The following DACH2 variants were observed in gnomAD, a reference collection of about 807,000 sequenced individuals.
The protein encoded by DACH2 is dachshund homolog 2.
In DACH2, 17 loss-of-function variants were observed where a neutral mutation model predicts 35.8. That is an observed-to-expected ratio of 0.48 (90% CI 0.33 to 0.71). The LOEUF is 0.71. DACH2 is among the 30% of genes least tolerant of loss of function. The pLI is 0.02. For synonymous variants in DACH2, 195 were observed against 177.3 expected, an observed-to-expected ratio of 1.10 and a Z score of -0.79; for missense variants, 469 against 472.7, an observed-to-expected ratio of 0.99 and a Z score of 0.07.
chrX:86,727,614 G>A (rs969726947), intron 6 of DACH2, among the ~76,000 whole-genome samples: 7 of 110,863 alleles, frequency 6.3e-5, no homozygotes, highest in African/African-American at 1.6e-4. Flanking sequence ...TCTCTGTGCT[G>A]AAAACTGAGC....
chrX:86,589,586 G>A (rs887712285), intron 3 of DACH2, among the ~76,000 whole-genome samples: 8 of 111,157 alleles, frequency 7.2e-5, no homozygotes, highest in African/African-American at 1.3e-4. Context: ...TTATGTAAGA[G>A]TCCATTGTAT....
At chrX:86,228,115 C>T (rs1189953519) in intron 1 of DACH2, among the ~76,000 whole-genome samples, 1 of 109,353 alleles carries the variant, frequency 9.1e-6, no homozygotes, top group Non-Finnish European at 1.9e-5. Context: ...ATTCCTCGCC[C>T]CCTTCCACTC....
At chrX:86,751,469 C>T (rs1297793400) in intron 7 of DACH2, among the ~76,000 whole-genome samples, 2 of 110,971 alleles carry the variant, frequency 1.8e-5, no homozygotes, top group Non-Finnish European at 3.8e-5. Flanking sequence ...AAATTCAACA[C>T]CCCTTCATGT....
At chrX:86,330,411 G>T (rs1275414512) in intron 1 of DACH2, among the ~76,000 whole-genome samples, 1 of 111,147 alleles carries the variant, frequency 9.0e-6, no homozygotes, top group Non-Finnish European at 1.9e-5. Context: ...CCTTAGCATT[G>T]TACAGTAAAT....
In DACH2 at chrX:86,343,450, C is replaced by T. The variant is rs781203342; in HGVS notation, c.489-33374C>T. Among the ~76,000 whole-genome samples the T allele has an allele frequency of 2.7e-5, 3 of 111,561 alleles. No homozygotes were observed. In the Admixed American group the frequency reaches 2.9e-4, roughly 11 times the overall value. ...CATCAATACCAATTTGCATCATCTG[C>T]CCAGAGCTGTGACTTAGAGTTTGAG... On this transcript the variant is annotated intron_variant, in intron 1 of 11. Transcript: ENST00000373125.
intron 3 of DACH2, among the ~76,000 whole-genome samples, chrX:86,605,906 A>T (rs184255323): frequency 9.0e-6 from 1 of 110,712 alleles, no homozygotes. Flanking sequence ...TTTTAATTTT[A>T]TACTTTCTTT....
rs185964546 is a variant in DACH2, at chrX:86,201,517, T to C, written c.488+52409T>C. Among the ~76,000 whole-genome samples the C allele has an allele frequency of 1.3e-4, 14 of 111,718 alleles. No individual in the cohort carries two copies. In the Admixed American group the frequency reaches 1.3e-3, roughly 11 times the overall value. On this transcript the variant is annotated intron_variant, in intron 1 of 11. Transcript: ENST00000373125. Reference sequence around the variant, plus strand: ...TTTTCTCAGTTGTGGTTGTTGTTCATTGTAAAATACCTAATCTGTTTATTG... The same window carrying C: ...TTTTCTCAGTTGTGGTTGTTGTTCACTGTAAAATACCTAATCTGTTTATTG...
chrX:86,658,223 C>G (rs866272109), intron 4 of DACH2, among the ~76,000 whole-genome samples: 2 of 111,469 alleles, frequency 1.8e-5, no homozygotes, highest in Admixed American at 9.6e-5. Context: ...AAGCGGGACA[C>G]TGACCTAAAA....
At chrX:86,567,897 G>T (rs964687804) in intron 3 of DACH2, among the ~76,000 whole-genome samples, 2 of 111,670 alleles carry the variant, frequency 1.8e-5, no homozygotes, top group Admixed American at 1.9e-4. Flanking sequence ...AAACATGAAA[G>T]CAACCAAGAT....
chrX:86,813,869 A>G (rs2042420279), intron 9 of DACH2, among the ~76,000 whole-genome samples: 1 of 111,141 alleles, frequency 9.0e-6, no homozygotes, highest in South Asian at 3.8e-4. Context: ...AAATAGAGAT[A>G]AAAGTGTTTT....
chrX:86,797,288 T>C (rs1158044246), intron 7 of DACH2, among the ~76,000 whole-genome samples: 1 of 110,512 alleles, frequency 9.0e-6, no homozygotes, highest in African/African-American at 3.3e-5. Flanking sequence ...GTTTAATAAA[T>C]ATTTATTTTA....
At chrX:86,721,375 A>G (rs1028790763) in intron 6 of DACH2, among the ~76,000 whole-genome samples, 1 of 112,034 alleles carries the variant, frequency 8.9e-6, no homozygotes, top group African/African-American at 3.2e-5. Flanking sequence ...TCAAGGTCAA[A>G]GTTCCACAGA....
At chrX:86,599,322 T>C (rs2039755316) in intron 3 of DACH2, among the ~76,000 whole-genome samples, 1 of 110,863 alleles carries the variant, frequency 9.0e-6, no homozygotes, top group African/African-American at 3.3e-5. Context: ...TCTTTTCTTC[T>C]TTCTTTCTCT....
intron 2 of DACH2, among the ~76,000 whole-genome samples, chrX:86,494,451 A>T (rs1017146823): frequency 2.7e-5 from 3 of 112,233 alleles, no homozygotes; most frequent in Non-Finnish European, 5.6e-5. Flanking sequence ...GCTCAAAGAA[A>T]TTGAAATACA....
chrX:86,239,622 T>C (rs1329361162), intron 1 of DACH2, among the ~76,000 whole-genome samples: 1 of 112,155 alleles, frequency 8.9e-6, no homozygotes, highest in Non-Finnish European at 1.9e-5. Context: ...TTGGGTTGTC[T>C]CTAATTTAGG....
chrX:86,804,990 TG>T (rs762727939), intron 7 of DACH2, among the ~76,000 whole-genome samples: 1 of 112,413 alleles, frequency 8.9e-6, no homozygotes, highest in South Asian at 3.7e-4. Context: ...TCCATAAGTC[TG>T]GGTTCTGGAG....
chrX:86,228,536 C>A (rs1384794245), intron 1 of DACH2, among the ~76,000 whole-genome samples: 1 of 110,460 alleles, frequency 9.1e-6, no homozygotes, highest in Non-Finnish European at 1.9e-5. Flanking sequence ...AAGAAATCTC[C>A]ACACTGTTTT....
intron 2 of DACH2, among the ~76,000 whole-genome samples, chrX:86,513,197 C>A (rs968944749): frequency 2.7e-5 from 3 of 111,585 alleles, no homozygotes; most frequent in Non-Finnish European, 5.6e-5. Context: ...AACCAAAAGT[C>A]ATTTTGGGGT....
chrX:86,708,425 A>T (rs1486192970), intron 5 of DACH2, among the ~76,000 whole-genome samples: 5 of 111,538 alleles, frequency 4.5e-5, no homozygotes, highest in Non-Finnish European at 3.8e-5. Context: ...CTAATAAGAG[A>T]TTATAGTAAG....
Sources: gnomAD v4.1 joint callset for allele counts (sites outside exome capture counted in the v4.1 genomes callset) on GRCh38, gnomAD v4.1.1 for gene constraint, MANE v1.5 for transcripts, NCBI Gene and HGNC (gene_info 2026-07-23, HGNC 2026-07-21) for gene names.